PCDHA2: variants seen among roughly 807,000 people sequenced by gnomAD.
The protein encoded by PCDHA2 is protocadherin alpha-2.
Under a neutral mutation model 66.0 loss-of-function variants are expected in PCDHA2, and 58 were observed. The observed-to-expected ratio is 0.88, with a 90% CI of 0.71 to 1.09. The LOEUF (loss-of-function observed/expected upper bound fraction) is 1.09. Ranked by LOEUF, PCDHA2 falls within the 50% of genes least tolerant of loss-of-function variation. The probability of loss-of-function intolerance (pLI) is 0.00; values close to 1 mark genes in which losing one functional copy is unlikely to be tolerated. For missense variants in PCDHA2, 1,267 were observed against 1,242.3 expected (o/e 1.02, Z -0.30); for synonymous variants, 634 against 554.0 (o/e 1.14, Z -2.03).
chr5:140,869,999 G>A, intron 1 of PCDHA2: 1 of 1,613,514 alleles, frequency 6.2e-7, no homozygotes, highest in Non-Finnish European at 8.5e-7. Context: ...CAAAATAATG[G>A]AGAAGTGAGG....
At chr5:140,966,749 C>T (rs1554228607) in intron 1 of PCDHA2, 1 of 1,428,076 alleles carries the variant, frequency 7.0e-7, no homozygotes, top group Middle Eastern at 2.5e-4. Flanking sequence ...CCGGCTGCCT[C>T]CGCCGCGGCC....
chr5:140,939,758 T>G (rs2092452335), intron 1 of PCDHA2, among the ~76,000 whole-genome samples: 1 of 152,234 alleles, frequency 6.6e-6, no homozygotes, highest in Non-Finnish European at 1.5e-5. Context: ...TGTCATTATA[T>G]AGTATTTCAG....
intron 1 of PCDHA2, chr5:140,814,292 A>G (rs960626106): frequency 6.6e-6 from 1 of 152,238 alleles, no homozygotes; most frequent in South Asian, 2.0e-4. Flanking sequence ...GGTCAGGATC[A>G]TCAATATCAT....
At chr5:140,839,656 G>A (rs2150299542) in intron 1 of PCDHA2, among the ~76,000 whole-genome samples, 4 of 152,154 alleles carry the variant, frequency 2.6e-5, no homozygotes, top group Admixed American at 1.3e-4. Context: ...CAAATTGTTT[G>A]CTACTATTTA....
chr5:140,927,137 A>T, intron 1 of PCDHA2: 1 of 1,614,052 alleles, frequency 6.2e-7, no homozygotes, highest in Non-Finnish European at 8.5e-7. Context: ...GAGCCGGCGG[A>T]CCGCGAACAG....
chr5:140,968,405 G>A, intron 1 of PCDHA2: 1 of 1,614,002 alleles, frequency 6.2e-7, no homozygotes, highest in Non-Finnish European at 8.5e-7. Flanking sequence ...GGAGTTCTTT[G>A]TGACTGTGGA....
rs189785800 is a variant in PCDHA2 at position 141,012,340 on chromosome 5, G to A, written c.*2403G>A. ...TTATTGCTAATAAATGAAAATGGTG[G>A]TATGAAAGAAATGGTGGTCATTTCT... On this transcript the variant is annotated 3_prime_UTR_variant, in exon 4 of 4. Transcript: ENST00000526136. The A allele has an allele frequency of 3.6e-4, 55 of 153,812 alleles. No homozygotes were observed. The East Asian group carries it at 9.6e-3, about 27-fold the overall frequency. 9.5% of individuals were successfully genotyped at this position (153,812 alleles called of 1,614,324 possible).
rs2150365344 is a variant in PCDHA2 at position 140,843,702 on chromosome 5, A to C, written c.2388+46350A>C. ...GGCGAAGAGCAAGATTTAAATGTTG[A>C]TCATGGCCTCAAAGTAAGTCCATTT... On this transcript the variant is annotated intron_variant, in intron 1 of 3. Transcript: ENST00000526136. 12 of 1,580,560 alleles carry C rather than the reference A, an allele frequency of 7.6e-6. 1 individual carries two copies. In the African/African-American group the frequency reaches 1.5e-4, roughly 20 times the overall value.
At chr5:140,967,315 G>A (rs1554229427) in intron 1 of PCDHA2, 1 of 1,610,854 alleles carries the variant, frequency 6.2e-7, no homozygotes, top group African/African-American at 1.3e-5. Context: ...ACTCAGTACA[G>A]ACCTACGAGC....
chr5:140,927,530 GC>G, intron 1 of PCDHA2: 1 of 1,614,080 alleles, frequency 6.2e-7, no homozygotes, highest in Non-Finnish European at 8.5e-7. Flanking sequence ...CTACCTGCCC[GC>G]TCAGGAGACG....
At chr5:140,877,207 G>T in intron 1 of PCDHA2, 1 of 1,613,796 alleles carries the variant, frequency 6.2e-7, no homozygotes, top group Non-Finnish European at 8.5e-7. Flanking sequence ...CGCAGTTAGC[G>T]AGTTGGTACC....
At chr5:140,884,063 G>A in intron 1 of PCDHA2, 3 of 1,613,496 alleles carry the variant, frequency 1.9e-6, no homozygotes, top group Non-Finnish European at 1.7e-6. Flanking sequence ...CGCGGTGGAC[G>A]CCGATTCGGG....
chr5:140,862,390 A>T (rs1325136355), intron 1 of PCDHA2: 3 of 349,930 alleles, frequency 8.6e-6, no homozygotes, highest in African/African-American at 6.4e-5. Context: ...ACGTCTCTTC[A>T]AGCTGGTGTC....
At chr5:140,869,551 TCG>T in intron 1 of PCDHA2, 1 of 1,614,218 alleles carries the variant, frequency 6.2e-7, no homozygotes, top group Non-Finnish European at 8.5e-7. Context: ...GCAATCGGAC[TCG>T]CGTTTTCCAC....
intron 1 of PCDHA2, chr5:140,862,170 GC>G (rs2047237372): frequency 6.1e-6 from 1 of 164,918 alleles, no homozygotes; most frequent in Non-Finnish European, 1.3e-5. Flanking sequence ...TCAAATACAG[GC>G]AGTTGACACA....
intron 1 of PCDHA2, chr5:140,877,139 T>C (rs781891057): frequency 8.7e-6 from 14 of 1,613,764 alleles, no homozygotes; most frequent in Admixed American, 1.7e-5. Context: ...GTGTTCGTGC[T>C]GGACGAGAAC....
chr5:140,802,461 G>C lies in PCDHA2; in HGVS notation c.2388+5109G>C, dbSNP rs540789660. 3 of 1,614,214 alleles carry C rather than the reference G, an allele frequency of 1.9e-6. No individual in the cohort carries two copies. In the Admixed American group the frequency reaches 5.0e-5, roughly 27 times the overall value. On this transcript the variant is annotated intron_variant, in intron 1 of 3. Transcript: ENST00000526136. ...GGACCGCGAGAGCGTGTCGGCCTAT[G>C]AGCTGGTGGTGACTGCTCGGGACGG... is the stretch of plus-strand genomic sequence containing the variant.
chr5:140,866,884 T>C (rs1016288169), intron 1 of PCDHA2: 1 of 152,130 alleles, frequency 6.6e-6, no homozygotes, highest in Non-Finnish European at 1.5e-5. Flanking sequence ...TATTAGCCTA[T>C]ACCCAGATAT....
intron 1 of PCDHA2, among the ~76,000 whole-genome samples, chr5:140,916,356 G>A (rs2077538770): frequency 6.6e-6 from 1 of 152,202 alleles, no homozygotes; most frequent in Admixed American, 6.5e-5. Context: ...TCAAACAGAA[G>A]GAGTCTTTCA....
Sources: allele counts gnomAD v4.1 joint callset (sites outside exome capture counted in the v4.1 genomes callset), GRCh38; gene constraint gnomAD v4.1.1; transcripts MANE v1.5; gene names NCBI Gene and HGNC (gene_info 2026-07-23, HGNC 2026-07-21).